The following MPP7 variants were observed in gnomAD, a reference collection of about 807,000 sequenced individuals.
MPP7 encodes MAGUK p55 subfamily member 7.
A neutral mutation model predicts 76.5 loss-of-function variants in MPP7; 60 were observed. The ratio of observed to expected loss-of-function variants is 0.78; its 90% CI spans 0.64 to 0.97. The LOEUF is 0.97. MPP7 is among the 50% of genes least tolerant of loss of function. The pLI is 0.00. For missense variants in MPP7, 641 were observed against 694.0 expected, an observed-to-expected ratio of 0.92 and a Z score of 0.86; for synonymous variants, 237 against 244.5, an observed-to-expected ratio of 0.97 and a Z score of 0.29.
At chr10:28,089,974 T>C (rs762083299) in intron 11 of MPP7, 133 bp from the exon 12 acceptor site, 52 of 586,834 alleles carry the variant, frequency 8.9e-5, no homozygotes, top group Admixed American at 2.5e-4. Flanking sequence ...AACCCTAATG[T>C]TTTAGAGACA....
chr10:28,096,904 A>G (rs1247302904), intron 11 of MPP7, among the ~76,000 whole-genome samples: 1 of 152,200 alleles, frequency 6.6e-6, no homozygotes, highest in Non-Finnish European at 1.5e-5. Context: ...TGACATATAC[A>G]TTGTATTGAA....
chr10:28,169,328 A>C (rs1428669742), intron 3 of MPP7, among the ~76,000 whole-genome samples: 1 of 150,218 alleles, frequency 6.7e-6, no homozygotes, highest in Non-Finnish European at 1.5e-5. Flanking sequence ...CTGTCTCTTA[A>C]AAAAAAAAAT....
intron 13 of MPP7, among the ~76,000 whole-genome samples, chr10:28,067,183 C>T (rs535592770): frequency 6.6e-6 from 1 of 152,120 alleles, no homozygotes; most frequent in African/African-American, 2.4e-5. Context: ...AGTTCCTTTG[C>T]TCCATAACTT....
chr10:28,244,284 A>T (rs548270137), intron 1 of MPP7, among the ~76,000 whole-genome samples: 290 of 152,228 alleles, frequency 1.9e-3, no homozygotes, highest in Middle Eastern at 0.01. Context: ...AAAGAAAGTT[A>T]AAAAAATCTA....
chr10:28,119,509 T>C, intron 11 of MPP7, 142 bp downstream of exon 11: 1 of 624,554 alleles, frequency 1.6e-6, no homozygotes, highest in Non-Finnish European at 2.8e-6. Flanking sequence ...ATGAATCTCA[T>C]ATTTGTTTGT....
chr10:28,082,480 T>A (rs552399038), intron 12 of MPP7, among the ~76,000 whole-genome samples: 1 of 151,972 alleles, frequency 6.6e-6, no homozygotes, highest in Admixed American at 6.6e-5. Context: ...CTCCTTCTTC[T>A]TTTAGACTCT....
intron 2 of MPP7, among the ~76,000 whole-genome samples, chr10:28,324,884 G>A (rs1457473890): frequency 1.3e-5 from 2 of 152,158 alleles, no homozygotes; most frequent in African/African-American, 4.8e-5. Flanking sequence ...GCATGGAGAG[G>A]TTAGTTGACT....
intron 12 of MPP7, among the ~76,000 whole-genome samples, chr10:28,078,230 C>T (rs1852589594): frequency 6.6e-6 from 1 of 152,208 alleles, no homozygotes; most frequent in African/African-American, 2.4e-5. Flanking sequence ...CCAGTCCACG[C>T]AATCCATACT....
chr10:28,090,021 C>T (rs1024614920), intron 11 of MPP7, among the ~76,000 whole-genome samples, 180 bp from the exon 12 acceptor site: 4 of 152,100 alleles, frequency 2.6e-5, no homozygotes, highest in South Asian at 2.1e-4. Flanking sequence ...AGAGCAGTGG[C>T]GCCATCACAG....
chr10:28,272,262 T>C (rs1348686872), intron 1 of MPP7, among the ~76,000 whole-genome samples: 1 of 152,180 alleles, frequency 6.6e-6, no homozygotes, highest in Non-Finnish European at 1.5e-5. Context: ...TCCTGTTACA[T>C]AAAACCAGGG....
At chr10:28,227,427 C>A (rs191193165) in intron 2 of MPP7, among the ~76,000 whole-genome samples, 2 of 152,242 alleles carry the variant, frequency 1.3e-5, no homozygotes, top group East Asian at 3.9e-4. Context: ...TATTAAGCCC[C>A]ACATGCATTA....
At chr10:28,215,365 GT>G (rs1337763080) in intron 2 of MPP7, among the ~76,000 whole-genome samples, 3 of 152,016 alleles carry the variant, frequency 2.0e-5, no homozygotes, top group Admixed American at 2.0e-4. Context: ...GCAAACACAA[GT>G]TTTTTCCCCA....
intron 5 of MPP7, among the ~76,000 whole-genome samples, 160 bp from the exon 6 acceptor site, chr10:28,131,851 C>T (rs1465773179): frequency 6.6e-6 from 1 of 152,060 alleles, no homozygotes; most frequent in Non-Finnish European, 1.5e-5. Context: ...TGAATAGGTT[C>T]CTCTTACAAA....
intron 13 of MPP7, among the ~76,000 whole-genome samples, chr10:28,060,680 G>C (rs1171954018): frequency 6.6e-6 from 1 of 152,168 alleles, no homozygotes; most frequent in Non-Finnish European, 1.5e-5. Flanking sequence ...TGGGACGGGG[G>C]GTAGAAAAAG....
intron 1 of MPP7, among the ~76,000 whole-genome samples, chr10:28,295,044 C>G (rs1044937874): frequency 2.0e-5 from 3 of 152,142 alleles, no homozygotes; most frequent in Non-Finnish European, 4.4e-5. Flanking sequence ...TCGCCAGGAC[C>G]TCCCCTCCCA....
intron 5 of MPP7, among the ~76,000 whole-genome samples, chr10:28,140,140 G>A (rs1231344731): frequency 2.6e-5 from 4 of 152,120 alleles, no homozygotes; most frequent in Non-Finnish European, 5.9e-5. Flanking sequence ...AGAGAAAGCC[G>A]CATACTCTTA....
At chr10:28,070,391 T>C (rs1356835747) in intron 12 of MPP7, among the ~76,000 whole-genome samples, 4 of 151,964 alleles carry the variant, frequency 2.6e-5, no homozygotes, top group African/African-American at 9.7e-5. Flanking sequence ...AGAGTGAGAC[T>C]CCTCAAAAAA....
intron 1 of MPP7, among the ~76,000 whole-genome samples, chr10:28,283,632 AGCC>A (rs1840730603): frequency 6.6e-6 from 1 of 151,944 alleles, no homozygotes; most frequent in African/African-American, 2.4e-5. Flanking sequence ...CTCCTGCCTC[AGCC>A]TCCCAAGTAG....
At chr10:28,176,713 A>G (rs1257711996) in intron 3 of MPP7, among the ~76,000 whole-genome samples, 6 of 151,870 alleles carry the variant, frequency 4.0e-5, no homozygotes, top group Non-Finnish European at 7.4e-5. Context: ...CTCCAGCCTG[A>G]GCAACAGAGC....
Sources: gnomAD v4.1 joint callset for allele counts (sites outside exome capture counted in the v4.1 genomes callset) on GRCh38, gnomAD v4.1.1 for gene constraint, MANE v1.5 for transcripts, NCBI Gene and HGNC (gene_info 2026-07-23, HGNC 2026-07-21) for gene names.